EYA4: variants seen among roughly 807,000 people sequenced by gnomAD.
The protein encoded by EYA4 is EYA transcriptional coactivator and phosphatase 4.
In EYA4, 31 loss-of-function variants were observed where a neutral mutation model predicts 87.9. That is an observed-to-expected ratio of 0.35 (90% CI 0.27 to 0.48). The LOEUF (loss-of-function observed/expected upper bound fraction) is 0.48. EYA4 is among the 20% of genes least tolerant of loss of function. The pLI, the probability that EYA4 is intolerant of heterozygous loss-of-function variation, is 0.99. For missense variants in EYA4, 678 were observed against 761.4 expected, an observed-to-expected ratio of 0.89 and a Z score of 1.29; for synonymous variants, 263 against 270.6, an observed-to-expected ratio of 0.97 and a Z score of 0.28.
intron 5 of EYA4, among the ~76,000 whole-genome samples, chr6:133,450,877 C>T (rs1339677376): frequency 6.6e-6 from 1 of 152,172 alleles, no homozygotes; most frequent in Non-Finnish European, 1.5e-5. Flanking sequence ...CATTGGTGCT[C>T]TTTAAGTATG....
chr6:133,369,767 A>G (rs1785128458), intron 2 of EYA4, among the ~76,000 whole-genome samples: 1 of 152,230 alleles, frequency 6.6e-6, no homozygotes, highest in African/African-American at 2.4e-5. Context: ...TTGCTTTTTG[A>G]AAATTTAATG....
At chr6:133,415,096 TCACATC>T (rs1355511672) in intron 3 of EYA4, among the ~76,000 whole-genome samples, 72 of 152,326 alleles carry the variant, frequency 4.7e-4, no homozygotes, top group Non-Finnish European at 5.9e-4. Context: ...ACAAAGCTAG[TCACATC>T]CAGCTTTCAA....
At chr6:133,441,935 T>C (rs932124721) in intron 3 of EYA4, among the ~76,000 whole-genome samples, 4 of 151,908 alleles carry the variant, frequency 2.6e-5, no homozygotes, top group African/African-American at 7.3e-5. Flanking sequence ...ACAATACATA[T>C]ATTTTTATAT....
chr6:133,444,597 C>T (rs904561968), intron 3 of EYA4, among the ~76,000 whole-genome samples: 1 of 152,138 alleles, frequency 6.6e-6, no homozygotes, highest in Non-Finnish European at 1.5e-5. Flanking sequence ...AGGCCCTAGA[C>T]TATGGTGACC....
At chr6:133,506,678 T>G (rs927863688) in intron 14 of EYA4, among the ~76,000 whole-genome samples, 2 of 152,230 alleles carry the variant, frequency 1.3e-5, no homozygotes, top group African/African-American at 4.8e-5. Flanking sequence ...TTAAGCACAT[T>G]TGATGCATTT....
chr6:133,480,373 AT>A, intron 11 of EYA4, among the ~76,000 whole-genome samples: 1 of 152,150 alleles, frequency 6.6e-6, no homozygotes, highest in Non-Finnish European at 1.5e-5. Context: ...TAGCAGGAGT[AT>A]TTTTATCGCA....
intron 13 of EYA4, among the ~76,000 whole-genome samples, chr6:133,483,584 A>C (rs995879841): frequency 1.3e-5 from 2 of 151,920 alleles, no homozygotes; most frequent in African/African-American, 4.8e-5. Flanking sequence ...TATGAACAGC[A>C]ACCGAGGTAA....
At chr6:133,382,712 AT>A (rs966874846) in intron 3 of EYA4, among the ~76,000 whole-genome samples, 3 of 148,118 alleles carry the variant, frequency 2.0e-5, no homozygotes, top group African/African-American at 7.5e-5. Context: ...GTTAATGTTC[AT>A]TTTTTTGTTC....
At chr6:133,490,881 A>G (rs1467608561) in intron 13 of EYA4, among the ~76,000 whole-genome samples, 1 of 152,164 alleles carries the variant, frequency 6.6e-6, no homozygotes, top group Non-Finnish European at 1.5e-5. Flanking sequence ...TTTACAGAAC[A>G]TTTAATACAA....
chr6:133,430,966 A>G (rs934707822), intron 3 of EYA4, among the ~76,000 whole-genome samples: 3 of 152,210 alleles, frequency 2.0e-5, no homozygotes, highest in African/African-American at 7.2e-5. Flanking sequence ...CAGGAAGGGA[A>G]TCTCTGAACA....
chr6:133,359,963 A>C (rs1289404407), intron 2 of EYA4, among the ~76,000 whole-genome samples: 1 of 152,206 alleles, frequency 6.6e-6, no homozygotes, highest in Non-Finnish European at 1.5e-5. Context: ...GAACCAGAAG[A>C]CAGAGAAAGA....
At chr6:133,412,777 C>G (rs1789353000) in intron 3 of EYA4, among the ~76,000 whole-genome samples, 2 of 152,136 alleles carry the variant, frequency 1.3e-5, no homozygotes, top group South Asian at 4.1e-4. Flanking sequence ...TCTTAAGTTC[C>G]TGTCTCCTTT....
At chr6:133,334,925 A>G (rs296418) in intron 2 of EYA4, among the ~76,000 whole-genome samples, 48,664 of 152,112 alleles carry the variant, frequency 0.32, 8,040 homozygotes, top group Middle Eastern at 0.44. Flanking sequence ...AAATAGCTAC[A>G]TATAGCTCTA....
At chr6:133,307,211 C>A (rs1022872889) in intron 2 of EYA4, among the ~76,000 whole-genome samples, 10 of 152,290 alleles carry the variant, frequency 6.6e-5, no homozygotes, top group South Asian at 6.2e-4. Context: ...ATTCCAACAT[C>A]CGTCTTAGCT....
At chr6:133,303,567 C>T (rs961670829) in intron 2 of EYA4, among the ~76,000 whole-genome samples, 1 of 152,116 alleles carries the variant, frequency 6.6e-6, no homozygotes, top group Admixed American at 6.6e-5. Flanking sequence ...CTGCCTTCCT[C>T]TATTTCTGGG....
intron 3 of EYA4, among the ~76,000 whole-genome samples, chr6:133,433,089 C>A (rs1791333750): frequency 1.3e-5 from 2 of 152,176 alleles, no homozygotes; most frequent in South Asian, 4.1e-4. Context: ...TTAAAAAAAT[C>A]ATTCTCTTCA....
chr6:133,469,093 A>C (rs2128676253), intron 11 of EYA4, among the ~76,000 whole-genome samples: 1 of 152,122 alleles, frequency 6.6e-6, no homozygotes, highest in Middle Eastern at 3.4e-3. Flanking sequence ...CACCTTTGTA[A>C]GTTGTCAGTA....
At chr6:133,276,901 CAAAAA>C (rs3065337) in intron 2 of EYA4, among the ~76,000 whole-genome samples, 41,937 of 133,764 alleles carry the variant, frequency 0.31, 6,115 homozygotes, top group Non-Finnish European at 0.35. Flanking sequence ...ATAGAAATGT[CAAAAA>C]AAAAAAAAAA....
chr6:133,276,807 C>A lies in EYA4; in HGVS notation c.33+1994C>A, dbSNP rs192962784. ...TAAGAGGCAGAGTTAGGACTTCACA[C>A]GGTTCTTCTGACTCCAAGTCCAAAG... On this transcript the variant is annotated intron_variant, in intron 2 of 19. Coordinates refer to ENST00000355286, the MANE Select transcript of EYA4 (RefSeq NM_004100.5). 2.5e-4 allele frequency among the ~76,000 whole-genome samples: 38 copies of A among 151,878 alleles called. 2 individuals are homozygous for A. The highest frequency in any genetic ancestry group is 8.0e-4 in the African/African-American group (33 of 41,428).
Sources: allele counts gnomAD v4.1 joint callset (sites outside exome capture counted in the v4.1 genomes callset), GRCh38; gene constraint gnomAD v4.1.1; transcripts MANE v1.5; gene names NCBI Gene and HGNC (gene_info 2026-07-23, HGNC 2026-07-21).